Variants in BRF1 observed in about 807,000 individuals in gnomAD.
BRF1 encodes the protein BRF1 general transcription factor IIIB subunit.
In BRF1, 59 loss-of-function variants were observed where a neutral mutation model predicts 81.7. The ratio of observed to expected loss-of-function variants is 0.72; its 90% CI spans 0.59 to 0.90. The LOEUF is 0.90. Among genes scored for constraint, BRF1 ranks in the 40% least tolerant of loss-of-function variants. The pLI is 0.00. For missense variants in BRF1, 1,050 were observed against 936.3 expected, an observed-to-expected ratio of 1.12 and a Z score of -1.58; for synonymous variants, 491 against 395.6, an observed-to-expected ratio of 1.24 and a Z score of -2.86.
chr14:105,254,741 T>C (rs1289537070), intron 4 of BRF1, among the ~76,000 whole-genome samples: 1 of 151,820 alleles, frequency 6.6e-6, no homozygotes, highest in African/African-American at 2.4e-5. Context: ...TTTGTATTTT[T>C]AGTAGAGACG....
rs8270 is a variant in BRF1, at chr14:105,209,364, C to G, written c.*1187G>C. On this transcript the variant is annotated 3_prime_UTR_variant, in exon 18 of 18. Coordinates refer to ENST00000547530, the MANE Select transcript of BRF1 (RefSeq NM_001519.4). ...AAGCCCTCGAGAAGCCCTGGCAGGA[C>G]CCAGGCTGGCTACTGAGCTCTGGGC... 6.8e-6 allele frequency: 4 copies of G among 588,260 alleles called. No homozygotes were observed. In the African/African-American group the frequency reaches 7.5e-5, roughly 11 times the overall value. 36.4% of individuals were successfully genotyped at this position (588,260 alleles called of 1,614,324 possible). A position where few individuals can be genotyped will look rare whatever the true frequency, so the allele number is the denominator to read the frequency against.
chr14:105,262,137 C>T (rs1400437446), intron 3 of BRF1, among the ~76,000 whole-genome samples: 2 of 152,240 alleles, frequency 1.3e-5, no homozygotes, highest in African/African-American at 4.8e-5. Flanking sequence ...TGGGCATCCT[C>T]AGGCCCCGCA....
At chr14:105,226,369 CCAGGGACCA>C in intron 8 of BRF1, 79 bp from the exon 9 acceptor site, 1 of 1,581,498 alleles carries the variant, frequency 6.3e-7, no homozygotes, top group African/African-American at 1.3e-5. Context: ...CGCGTGGGCC[CCAGGGACCA>C]CAGGCTGCTA....
rs1207773690 is a variant in BRF1 at position 105,284,162 on chromosome 14, C to A, written c.265+2134G>T. On this transcript the variant is annotated intron_variant, in intron 2 of 17. Transcript: ENST00000547530. The surrounding 1 kb of genome is among the most constrained non-coding windows in gnomAD (Gnocchi z 4.0). ...CATTCAAGCGCCCAACACACATGCACGTCCACAAAACTGGCCTTCCACCCG... is the reference window on the plus strand; with the variant it reads ...CATTCAAGCGCCCAACACACATGCAAGTCCACAAAACTGGCCTTCCACCCG... 6.6e-6 allele frequency among the ~76,000 whole-genome samples: 1 copy of A among 152,140 alleles called. No homozygotes were observed. The highest frequency in any genetic ancestry group is 2.4e-5 in the African/African-American group (1 of 41,418).
At chr14:105,250,702 G>A (rs373637616) in intron 5 of BRF1, 29 of 1,581,542 alleles carry the variant, frequency 1.8e-5, no homozygotes, top group Admixed American at 6.9e-5. Context: ...GCAGGTCAGC[G>A]AGTGAGTGGA....
intron 1 of BRF1, among the ~76,000 whole-genome samples, chr14:105,294,893 T>G (rs2057669570): frequency 6.6e-6 from 1 of 152,188 alleles, no homozygotes; most frequent in South Asian, 2.1e-4. Context: ...AAACACAGCA[T>G]CTTAAATATA....
intron 1 of BRF1, among the ~76,000 whole-genome samples, chr14:105,297,727 T>C (rs2057800266): frequency 6.6e-6 from 1 of 152,132 alleles, no homozygotes; most frequent in Non-Finnish European, 1.5e-5. Context: ...CCCGGTGCAG[T>C]GGCTCACGCT....
intron 10 of BRF1, 128 bp from the exon 11 acceptor site, chr14:105,222,042 C>A: frequency 8.0e-7 from 1 of 1,252,418 alleles, no homozygotes; most frequent in Non-Finnish European, 1.1e-6. Flanking sequence ...GCCTGGCGGT[C>A]AGGTGCCAAA....
At chr14:105,218,924 A>C in intron 14 of BRF1, 74 bp downstream of exon 14, 1 of 1,596,238 alleles carries the variant, frequency 6.3e-7, no homozygotes, top group Non-Finnish European at 8.6e-7. Flanking sequence ...TGGGGAAGGG[A>C]CATTCCAGAG....
intron 5 of BRF1, chr14:105,250,894 AGATT>A: frequency 1.7e-6 from 1 of 578,704 alleles, no homozygotes; most frequent in South Asian, 2.2e-5. Flanking sequence ...AGGTGGAGGA[AGATT>A]TACGGCTCAA....
At chr14:105,250,789 C>T in intron 5 of BRF1, 2 of 1,106,214 alleles carry the variant, frequency 1.8e-6, no homozygotes, top group Non-Finnish European at 2.6e-6. Flanking sequence ...GACATGTAGT[C>T]AGCTGAAGCT....
intron 3 of BRF1, among the ~76,000 whole-genome samples, chr14:105,264,160 C>A (rs1468235949): frequency 6.6e-6 from 1 of 152,138 alleles, no homozygotes; most frequent in African/African-American, 2.4e-5. Flanking sequence ...AATGAAGAAT[C>A]TTACCAAAGA....
chr14:105,222,463 C>T (rs1017836168), intron 10 of BRF1: 5 of 152,364 alleles, frequency 3.3e-5, no homozygotes, highest in South Asian at 2.1e-4. Flanking sequence ...TATACAAAGA[C>T]CTCCAGTCCT....
chr14:105,249,289 C>T (rs1233208494), intron 5 of BRF1: 8 of 1,569,656 alleles, frequency 5.1e-6, no homozygotes, highest in Non-Finnish European at 6.9e-6. Flanking sequence ...GCCCCGTCCG[C>T]CCCGTCCGCC....
At chr14:105,256,650 G>A (rs906191919) in intron 3 of BRF1, 101 bp from the exon 4 acceptor site, 1 of 1,511,504 alleles carries the variant, frequency 6.6e-7, no homozygotes, top group Non-Finnish European at 8.9e-7. Context: ...CAGGGAGCTG[G>A]AGTCGCCCCT....
In BRF1 at chr14:105,210,280, G is replaced by C. The variant is rs1444171392; in HGVS notation, c.*271C>G. 1 of 497,084 alleles carries C rather than the reference G, an allele frequency of 2.0e-6. No individual in the cohort carries two copies. Among genetic ancestry groups the C allele is most frequent in the African/African-American group, 2.0e-5 (1 of 51,074 alleles). 30.8% of individuals were successfully genotyped at this position (497,084 alleles called of 1,614,324 possible). On this transcript the variant is annotated 3_prime_UTR_variant, in exon 18 of 18. Coordinates refer to ENST00000547530, the MANE Select transcript of BRF1 (RefSeq NM_001519.4). This position sits in a 1 kb window ranked among gnomAD's most constrained non-coding sequence, Gnocchi z 4.7. Reference sequence around the variant, plus strand: ...TGCCAGCCTTGGAGGGTCCTTGGATGAGTCGACGGCAGGCAGCGGGACCCA... The same window carrying C: ...TGCCAGCCTTGGAGGGTCCTTGGATCAGTCGACGGCAGGCAGCGGGACCCA...
At chr14:105,275,085 G>A (rs2056826473) in intron 2 of BRF1, among the ~76,000 whole-genome samples, 1 of 152,210 alleles carries the variant, frequency 6.6e-6, no homozygotes, top group Non-Finnish European at 1.5e-5. Flanking sequence ...AAGGGCACAT[G>A]AGCTGGAGAA....
intron 16 of BRF1, chr14:105,211,581 C>A: frequency 2.1e-6 from 1 of 473,516 alleles, no homozygotes; most frequent in Non-Finnish European, 3.7e-6. Flanking sequence ...GAACACCTTT[C>A]CAGACCATAG....
At chr14:105,256,473 G>C (rs763544064) in intron 4 of BRF1, 45 bp downstream of exon 4, 34 of 1,613,920 alleles carry the variant, frequency 2.1e-5, no homozygotes, top group Middle Eastern at 3.3e-4. Flanking sequence ...CAACCCCCAG[G>C]TCACAACCCC....
Sources: allele counts gnomAD v4.1 joint callset (sites outside exome capture counted in the v4.1 genomes callset), GRCh38; gene constraint gnomAD v4.1.1; non-coding constraint Gnocchi (gnomAD v3.1); transcripts MANE v1.5; gene names NCBI Gene and HGNC (gene_info 2026-07-23, HGNC 2026-07-21).